The following NLGN4Y variants were observed in gnomAD, a reference collection of about 807,000 sequenced individuals.
The protein encoded by NLGN4Y is neuroligin 4 Y-linked, also known as neuroligin-4, Y-linked.
NLGN4Y carries 4 observed loss-of-function variants against 8.4 expected under a neutral mutation model. That is an observed-to-expected ratio of 0.48 (90% confidence interval 0.23 to 1.09). The LOEUF (loss-of-function observed/expected upper bound fraction) is 1.09. Among genes scored for constraint, NLGN4Y ranks in the 50% least tolerant of loss-of-function variants. The pLI is 0.19. For missense variants in NLGN4Y, 90 were observed against 192.3 expected (o/e 0.47, Z 3.15); for synonymous variants, 35 against 75.6 (o/e 0.46, Z 2.78).
chrY:14,681,100 G>A (rs963297834), intron 2 of NLGN4Y, among the ~76,000 whole-genome samples: 1 of 33,462 alleles, frequency 3.0e-5, no homozygotes. Flanking sequence ...TGGTAAAAGC[G>A]AAGAACCAAC....
intron 4 of NLGN4Y, among the ~76,000 whole-genome samples, chrY:14,791,814 C>G: frequency 6.1e-5 from 2 of 32,773 alleles, no homozygotes; most frequent in African/African-American, 2.4e-4. Context: ...GAACCCAAAC[C>G]CTTACCCTAC....
intron 4 of NLGN4Y, among the ~76,000 whole-genome samples, chrY:14,735,249 A>G: frequency 2.9e-5 from 1 of 34,254 alleles, no homozygotes; most frequent in Non-Finnish European, 7.3e-5. Flanking sequence ...GTCGCTACTC[A>G]GATCTCATCT....
At chrY:14,688,249 T>G (rs2080798846) in intron 2 of NLGN4Y, among the ~76,000 whole-genome samples, 1 of 33,375 alleles carries the variant, frequency 3.0e-5, no homozygotes, top group Non-Finnish European at 7.4e-5. Context: ...GAGAGAAATC[T>G]GTGCTGAAGA....
At chrY:14,714,170 A>AT in intron 2 of NLGN4Y, among the ~76,000 whole-genome samples, 1 of 33,136 alleles carries the variant, frequency 3.0e-5, no homozygotes, top group East Asian at 8.1e-4. Flanking sequence ...TTGAATAAAC[A>AT]TTAGCCAAAT....
intron 1 of NLGN4Y, among the ~76,000 whole-genome samples, chrY:14,564,031 C>T: frequency 3.0e-5 from 1 of 33,194 alleles, no homozygotes; most frequent in Non-Finnish European, 7.4e-5. Flanking sequence ...TTTCATGTCT[C>T]GATCTCCTTC....
At chrY:14,788,301 C>T (rs2042974938) in intron 4 of NLGN4Y, among the ~76,000 whole-genome samples, 1 of 33,318 alleles carries the variant, frequency 3.0e-5, no homozygotes, top group African/African-American at 1.2e-4. Context: ...TCTTCATTGT[C>T]GACCAAGGCT....
At chrY:14,613,743 C>G in intron 1 of NLGN4Y, among the ~76,000 whole-genome samples, 1 of 33,642 alleles carries the variant, frequency 3.0e-5, no homozygotes. Context: ...CCAGCTTCAT[C>G]TACGTCCCTG....
At chrY:14,637,263 A>G (rs2080567921) in intron 2 of NLGN4Y, among the ~76,000 whole-genome samples, 1 of 33,494 alleles carries the variant, frequency 3.0e-5, no homozygotes, top group South Asian at 6.6e-4. Flanking sequence ...GGTGATGTTT[A>G]CCTGAGCACT....
At chrY:14,778,816 C>T (rs936421793) in intron 4 of NLGN4Y, among the ~76,000 whole-genome samples, 3 of 33,743 alleles carry the variant, frequency 8.9e-5, no homozygotes, top group Non-Finnish European at 2.2e-4. Context: ...TATTCCTTCT[C>T]TGTGTTAAGA....
chrY:14,628,527 G>A (rs2080537436), intron 2 of NLGN4Y, among the ~76,000 whole-genome samples: 1 of 33,823 alleles, frequency 3.0e-5, no homozygotes, highest in East Asian at 7.8e-4. Flanking sequence ...TGACAGCTCA[G>A]GGACAAGTTA....
At chrY:14,627,606 C>T (rs2080533245) in intron 2 of NLGN4Y, among the ~76,000 whole-genome samples, 1 of 34,901 alleles carries the variant, frequency 2.9e-5, no homozygotes, top group African/African-American at 1.1e-4. Context: ...CCGCCGAGCC[C>T]GGGCCCACCC....
chrY:14,645,940 G>C (rs748590591), intron 2 of NLGN4Y, among the ~76,000 whole-genome samples: 12 of 32,197 alleles, frequency 3.7e-4, no homozygotes, highest in Non-Finnish European at 7.6e-4. Context: ...GATGATGTTG[G>C]TGTAGAGGAT....
chrY:14,536,922 A>T, intron 1 of NLGN4Y, among the ~76,000 whole-genome samples: 1 of 32,962 alleles, frequency 3.0e-5, no homozygotes, highest in African/African-American at 1.2e-4. Context: ...AAAGAATTCA[A>T]TTGCATCATT....
At chrY:14,543,472 A>G (rs954992456) in intron 1 of NLGN4Y, among the ~76,000 whole-genome samples, 2 of 33,681 alleles carry the variant, frequency 5.9e-5, no homozygotes, top group Admixed American at 5.4e-4. Flanking sequence ...AAGGAACGTG[A>G]GTATTTTCCA....
intron 1 of NLGN4Y, among the ~76,000 whole-genome samples, chrY:14,579,510 C>G: frequency 9.2e-5 from 3 of 32,488 alleles, no homozygotes; most frequent in Admixed American, 2.8e-4. Context: ...GACTTGGAGA[C>G]CAGCCCGGGC....
At chrY:14,810,597 A>G in intron 4 of NLGN4Y, among the ~76,000 whole-genome samples, 3 of 32,752 alleles carry the variant, frequency 9.2e-5, no homozygotes, top group Non-Finnish European at 7.4e-5. Flanking sequence ...TCAAATTTTC[A>G]TTTCCATGAA....
At chrY:14,753,877 G>C (rs112045755) in intron 4 of NLGN4Y, among the ~76,000 whole-genome samples, 265 of 32,419 alleles carry the variant, frequency 8.2e-3, no homozygotes, top group African/African-American at 0.03. Flanking sequence ...TCATTAATAT[G>C]TTCCTGAACT....
Position 14,626,768 on chromosome Y carries a change from A to C in NLGN4Y, c.472+4177A>C. ...TGCATGTACAATCCCTGAGCTAGAC[A>C]CAGAGTGCTGATTGGTGCATTTACA... On this transcript the variant is annotated intron_variant, in intron 2 of 6. Transcript: ENST00000684976. 9.0e-5 allele frequency among the ~76,000 whole-genome samples: 3 copies of C among 33,194 alleles called. No individual in the cohort carries two copies. In the South Asian group the frequency reaches 2.1e-3, roughly 23 times the overall value. 89.1% of individuals were successfully genotyped at this position (33,194 alleles called of 37,273 possible). A position where few individuals can be genotyped will look rare whatever the true frequency, so the allele number is the denominator to read the frequency against.
At chrY:14,771,377 C>G in intron 4 of NLGN4Y, among the ~76,000 whole-genome samples, 21 of 31,981 alleles carry the variant, frequency 6.6e-4, no homozygotes, top group Non-Finnish European at 8.4e-4. Flanking sequence ...CAAGCCAGAA[C>G]TGGCTTGTAG....
Sources: allele counts gnomAD v4.1 joint callset (sites outside exome capture counted in the v4.1 genomes callset), GRCh38; gene constraint gnomAD v4.1.1; transcripts MANE v1.5; gene names NCBI Gene and HGNC (gene_info 2026-07-23, HGNC 2026-07-21).